Variants in PSMD9 observed in about 807,000 individuals in gnomAD.
The protein encoded by PSMD9 is 26S proteasome non-ATPase regulatory subunit 9.
Under a neutral mutation model 25.9 loss-of-function variants are expected in PSMD9, and 26 were observed. The observed-to-expected ratio is 1.00, with a 90% CI of 0.73 to 1.39. The LOEUF is 1.39. PSMD9 is among the 40% of genes most tolerant of loss of function. The probability of loss-of-function intolerance (pLI) is 0.00; values close to 1 mark genes in which losing one functional copy is unlikely to be tolerated. For missense variants in PSMD9, 303 were observed against 299.3 expected (o/e 1.01, Z -0.09); for synonymous variants, 110 against 114.5 (o/e 0.96, Z 0.25).
At chr12:121,913,996 A>G (rs1354398552) in intron 4 of PSMD9, among the ~76,000 whole-genome samples, 1 of 151,728 alleles carries the variant, frequency 6.6e-6, no homozygotes, top group Non-Finnish European at 1.5e-5. Context: ...ACCTCCCTTG[A>G]GCAATCCTCC....
chr12:121,899,688 A>G lies in PSMD9; in HGVS notation c.296A>G (p.Gln99Arg). 6.2e-7 allele frequency: 1 copy of G among 1,613,816 alleles called. No individual in the cohort carries two copies. The highest frequency in any genetic ancestry group is 1.3e-5 in the African/African-American group (1 of 75,054). Reference protein sequence around the residue: ...VMKQVEEALHQLHARDKEKQA... With the variant: ...VMKQVEEALHRLHARDKEKQA... ...AAGCAGGTGGAGGAGGCCCTGCACC[A>G]GCTGCACGCTCGCGACAAGGAGAAG... Residue 99 changes from glutamine to arginine, a missense_variant, in exon 3 of 6, where the codon CAG becomes CGG. Gln to Arg is a conservative substitution (Grantham distance 43). Coordinates refer to ENST00000541212, the MANE Select transcript of PSMD9 (RefSeq NM_002813.7).
chr12:121,910,623 C>T (rs12828552), intron 4 of PSMD9, among the ~76,000 whole-genome samples: 4 of 151,342 alleles, frequency 2.6e-5, no homozygotes, highest in African/African-American at 7.3e-5. Flanking sequence ...AGCCGGGCGT[C>T]GTGGTGGGCG....
At chr12:121,915,335 A>G (rs1191165430) in intron 4 of PSMD9, 1 of 152,222 alleles carries the variant, frequency 6.6e-6, no homozygotes, top group Non-Finnish European at 1.5e-5. Context: ...AAAAAAAAAA[A>G]AAAAGAAAGA....
chr12:121,892,053 G>C (rs1879100139), intron 1 of PSMD9, among the ~76,000 whole-genome samples: 2 of 151,972 alleles, frequency 1.3e-5, no homozygotes, highest in South Asian at 4.1e-4. Context: ...AAAATGATAA[G>C]TTGGACTTCA....
intron 4 of PSMD9, among the ~76,000 whole-genome samples, chr12:121,905,859 T>TA (rs1377335512): frequency 6.6e-6 from 1 of 151,936 alleles, no homozygotes; most frequent in Non-Finnish European, 1.5e-5. Flanking sequence ...CAAATGTATG[T>TA]AGTATGTCAT....
intron 4 of PSMD9, among the ~76,000 whole-genome samples, chr12:121,913,721 A>G (rs935529989): frequency 2.6e-5 from 4 of 151,082 alleles, no homozygotes; most frequent in African/African-American, 9.7e-5. Flanking sequence ...CTGGTCTTGA[A>G]CTTTTGAGCT....
intron 4 of PSMD9, among the ~76,000 whole-genome samples, chr12:121,903,513 T>TA (rs1879460695): frequency 6.6e-6 from 1 of 152,166 alleles, no homozygotes; most frequent in South Asian, 2.1e-4. Context: ...GCCCTGGAGT[T>TA]ACTGGAAGTG....
chr12:121,903,103 AG>A lies in PSMD9; in HGVS notation c.555+1del, dbSNP rs767257636. On this transcript the variant is annotated frameshift_variant, in exon 4 of 6. Coordinates refer to ENST00000541212, the MANE Select transcript of PSMD9 (RefSeq NM_002813.7). LOFTEE classifies it high-confidence loss of function. ...HNIGSVVQHS[E>X]GKPLNVTVIR... is the part of the protein sequence containing the mutation. ...ATTGGCAGTGTGGTGCAGCACAGTG[AG>A]GGGGTGAGTGGGGCTACCTGGTGTC... 1 of 1,613,312 alleles carries A rather than the reference AG, an allele frequency of 6.2e-7. No individual in the cohort carries two copies. The highest frequency in any genetic ancestry group is 2.2e-5 in the East Asian group (1 of 44,868).
intron 4 of PSMD9, chr12:121,911,070 C>G: frequency 2.2e-6 from 1 of 448,968 alleles, no homozygotes; most frequent in South Asian, 1.6e-5. Flanking sequence ...GATGGTGTCT[C>G]GCTCTGTTGC....
At chr12:121,892,829 C>T (rs1879125745) in intron 1 of PSMD9, among the ~76,000 whole-genome samples, 2 of 152,156 alleles carry the variant, frequency 1.3e-5, no homozygotes, top group Admixed American at 1.3e-4. Context: ...GCTATGAACA[C>T]ACCACTGCAC....
chr12:121,915,568 G>A (rs1020093871), intron 4 of PSMD9: 2 of 366,452 alleles, frequency 5.5e-6, no homozygotes, highest in Non-Finnish European at 9.8e-6. Flanking sequence ...TGTATGTCTT[G>A]TAATTTGTAT....
At chr12:121,890,778 T>C (rs922979168) in intron 1 of PSMD9, among the ~76,000 whole-genome samples, 10 of 151,752 alleles carry the variant, frequency 6.6e-5, no homozygotes, top group Non-Finnish European at 1.5e-4. Context: ...TGCCCATAAA[T>C]GTATTTTAAA....
intron 2 of PSMD9, chr12:121,899,325 C>A: frequency 2.8e-6 from 1 of 357,594 alleles, no homozygotes; most frequent in South Asian, 3.7e-5. Context: ...CCTCTCAGGG[C>A]TCACCCGAGA....
chr12:121,889,092 C>A lies in PSMD9; in HGVS notation c.138+98C>A, dbSNP rs1878980999. 8 of 1,459,590 alleles carry A rather than the reference C, an allele frequency of 5.5e-6. No homozygotes were observed. The South Asian group carries it at 1.0e-4, about 19-fold the overall frequency. The allele number at this position is 1,459,590 out of a possible 1,614,324, so 90.4% of individuals were successfully genotyped here. A position where few individuals can be genotyped will look rare whatever the true frequency, so the allele number is the denominator to read the frequency against. On this transcript the variant is annotated intron_variant, in intron 1 of 5. Coordinates refer to ENST00000541212, the MANE Select transcript of PSMD9 (RefSeq NM_002813.7). ...CGGCCTCAGTTTGGGCGCTCCGCAACGGATCTCCCTGGGAGGCCCAAGGCG... is the reference window on the plus strand; with the variant it reads ...CGGCCTCAGTTTGGGCGCTCCGCAAAGGATCTCCCTGGGAGGCCCAAGGCG...
rs1879970930 is a variant in PSMD9 at position 121,917,872 on chromosome 12, CT to C, written c.*1567del. 6.6e-6 allele frequency: 1 copy of C among 152,196 alleles called. No individual in the cohort carries two copies. The highest frequency in any genetic ancestry group is 1.5e-5 in the Non-Finnish European group (1 of 68,040). 9.4% of individuals were successfully genotyped at this position (152,196 alleles called of 1,614,324 possible). A position where few individuals can be genotyped will look rare whatever the true frequency, so the allele number is the denominator to read the frequency against. ...ACACAGCTTGCCCAGTTTATCCTTT[CT>C]TTTTTATTTTAAGATGTATGCATAT... is the stretch of plus-strand genomic sequence containing the variant. On this transcript the variant is annotated 3_prime_UTR_variant, in exon 6 of 6. Coordinates refer to ENST00000541212, the MANE Select transcript of PSMD9 (RefSeq NM_002813.7).
At chr12:121,904,555 CAG>C (rs1213053056) in intron 4 of PSMD9, among the ~76,000 whole-genome samples, 4 of 150,898 alleles carry the variant, frequency 2.7e-5, no homozygotes, top group African/African-American at 9.8e-5. Context: ...GCCTAGGCGA[CAG>C]AGCAAGACTC....
chr12:121,904,062 C>G (rs1465455096), intron 4 of PSMD9, among the ~76,000 whole-genome samples: 1 of 152,062 alleles, frequency 6.6e-6, no homozygotes, highest in East Asian at 1.9e-4. Context: ...CTACTTGTAA[C>G]CCATCAGTGC....
chr12:121,912,463 A>T (rs1410649053), intron 4 of PSMD9, among the ~76,000 whole-genome samples: 1 of 152,006 alleles, frequency 6.6e-6, no homozygotes, highest in East Asian at 1.9e-4. Flanking sequence ...TTTCATAATC[A>T]GTGTGTGGTA....
Position 121,899,334 on chromosome 12 carries a change from G to A in PSMD9, c.242-300G>A, listed in dbSNP as rs1158121935. 1.3e-5 allele frequency: 5 copies of A among 385,804 alleles called. No individual in the cohort carries two copies. In the East Asian group the frequency reaches 1.4e-4, roughly 11 times the overall value. 23.9% of individuals were successfully genotyped at this position (385,804 alleles called of 1,614,324 possible). A position where few individuals can be genotyped will look rare whatever the true frequency, so the allele number is the denominator to read the frequency against. The stretch of plus-strand genomic sequence containing the variant: ...TGCTCACCTCTCAGGGCTCACCCGA[G>A]ACAGCACTGCCTTCAGGAAGCCTTC... On this transcript the variant is annotated intron_variant, in intron 2 of 5. Transcript: ENST00000541212.
Sources: allele counts gnomAD v4.1 joint callset (sites outside exome capture counted in the v4.1 genomes callset), GRCh38; gene constraint gnomAD v4.1.1; transcripts MANE v1.5; gene names NCBI Gene and HGNC (gene_info 2026-07-23, HGNC 2026-07-21).